GRAMD1C: variants seen among roughly 807,000 people sequenced by gnomAD.
The protein encoded by GRAMD1C is protein Aster-C.
A neutral mutation model predicts 97.8 loss-of-function variants in GRAMD1C; 89 were observed. That is an observed-to-expected ratio of 0.91 (90% CI 0.77 to 1.09). The LOEUF (loss-of-function observed/expected upper bound fraction) is 1.09, where lower values mean the gene tolerates loss of function less well. GRAMD1C is among the 50% of genes least tolerant of loss of function. GRAMD1C has a pLI of 0.00. For missense variants in GRAMD1C, 740 were observed against 766.4 expected, an observed-to-expected ratio of 0.97 and a Z score of 0.41; for synonymous variants, 256 against 267.0, an observed-to-expected ratio of 0.96 and a Z score of 0.40.
At chr3:113,851,849 G>A (rs1933921463) in intron 2 of GRAMD1C, among the ~76,000 whole-genome samples, 1 of 151,472 alleles carries the variant, frequency 6.6e-6, no homozygotes, top group Admixed American at 6.6e-5. Flanking sequence ...AAAATCAGAA[G>A]CCTTTATTCT....
chr3:113,870,027 C>T (rs1033396914), intron 3 of GRAMD1C, among the ~76,000 whole-genome samples: 1 of 152,056 alleles, frequency 6.6e-6, no homozygotes, highest in Non-Finnish European at 1.5e-5. Context: ...CATGTTCTCA[C>T]TCATCTGTGG....
chr3:113,864,395 T>C (rs1934506820), intron 2 of GRAMD1C, among the ~76,000 whole-genome samples: 1 of 152,180 alleles, frequency 6.6e-6, no homozygotes, highest in Non-Finnish European at 1.5e-5. Flanking sequence ...ATTACAGACA[T>C]GAGCCACCGC....
At chr3:113,905,937 T>C (rs1041778022) in intron 8 of GRAMD1C, among the ~76,000 whole-genome samples, 4 of 152,184 alleles carry the variant, frequency 2.6e-5, no homozygotes, top group Non-Finnish European at 5.9e-5. Context: ...CCTCAGGTGA[T>C]CCACCTGCCT....
intron 7 of GRAMD1C, among the ~76,000 whole-genome samples, chr3:113,902,990 G>T (rs1872823): frequency 2.2e-4 from 33 of 148,944 alleles, no homozygotes; most frequent in Non-Finnish European, 3.0e-4. Flanking sequence ...TTTTGGAGAT[G>T]GAGTCTCACT....
intron 6 of GRAMD1C, among the ~76,000 whole-genome samples, chr3:113,887,382 A>T (rs13100479): frequency 6.6e-6 from 1 of 151,506 alleles, no homozygotes; most frequent in Non-Finnish European, 1.5e-5. Flanking sequence ...GTGAGCCACC[A>T]CACCCAGCCC....
chr3:113,926,116 GT>G (rs529543464), intron 10 of GRAMD1C, among the ~76,000 whole-genome samples: 106 of 152,258 alleles, frequency 7.0e-4, no homozygotes, highest in African/African-American at 2.5e-3. Flanking sequence ...GGTTGGGGAA[GT>G]TTTTGTGGAT....
chr3:113,901,629 A>G (rs1402190662), intron 7 of GRAMD1C, among the ~76,000 whole-genome samples: 9 of 152,222 alleles, frequency 5.9e-5, no homozygotes, highest in Non-Finnish European at 8.8e-5. Context: ...AAGGTCGATA[A>G]TGGTAAGAGT....
intron 1 of GRAMD1C, among the ~76,000 whole-genome samples, chr3:113,830,083 T>C (rs1192137407): frequency 6.6e-6 from 1 of 152,108 alleles, no homozygotes; most frequent in African/African-American, 2.4e-5. Context: ...CTGATTTATA[T>C]AGGGCACAAA....
chr3:113,920,054 G>C, intron 10 of GRAMD1C: 1 of 987,762 alleles, frequency 1.0e-6, no homozygotes. Context: ...AGTGTTTGTT[G>C]ATGAGGAAGA....
chr3:113,916,097 A>G (rs1234002673), intron 10 of GRAMD1C, among the ~76,000 whole-genome samples: 1 of 152,238 alleles, frequency 6.6e-6, no homozygotes, highest in African/African-American at 2.4e-5. Context: ...TCATTAAGGT[A>G]CCAATTCGAT....
intron 7 of GRAMD1C, among the ~76,000 whole-genome samples, chr3:113,902,397 GCAGTTA>G (rs993303481): frequency 2.6e-5 from 4 of 152,128 alleles, no homozygotes; most frequent in African/African-American, 9.7e-5. Flanking sequence ...GGATAGAAAA[GCAGTTA>G]CTCTAATGCA....
intron 13 of GRAMD1C, among the ~76,000 whole-genome samples, chr3:113,935,044 G>A (rs144394651): frequency 1.2e-4 from 19 of 152,154 alleles, no homozygotes; most frequent in Admixed American, 2.6e-4. Context: ...GTGCCTGGCC[G>A]AACAAACACT....
chr3:113,855,292 C>T (rs1485209142), intron 2 of GRAMD1C, among the ~76,000 whole-genome samples: 4 of 152,056 alleles, frequency 2.6e-5, no homozygotes, highest in African/African-American at 9.7e-5. Context: ...GCCTGGGTAA[C>T]AAGATCAAAA....
At chr3:113,885,203 C>G (rs1276914401) in intron 6 of GRAMD1C, 2 of 737,294 alleles carry the variant, frequency 2.7e-6, no homozygotes, top group African/African-American at 3.5e-5. Context: ...ACTTGGGGCC[C>G]CCGTTCCCCC....
At chr3:113,911,171 G>GACACACACACACACACACACAC (rs760223728) in intron 9 of GRAMD1C, among the ~76,000 whole-genome samples, 66 of 5,224 alleles carry the variant, frequency 0.013, no homozygotes, top group East Asian at 0.023. Flanking sequence ...AACAGAGAGA[G>GACACACACACACACACACACAC]AGACACACAC....
intron 2 of GRAMD1C, among the ~76,000 whole-genome samples, chr3:113,857,172 C>A (rs1270960962): frequency 8.1e-6 from 1 of 124,034 alleles, no homozygotes; most frequent in Non-Finnish European, 1.8e-5. Flanking sequence ...AAAAAACAAA[C>A]AAACAAAAAA....
intron 3 of GRAMD1C, among the ~76,000 whole-genome samples, chr3:113,870,819 ATT>A (rs558065664): frequency 7.7e-5 from 11 of 143,454 alleles, no homozygotes; most frequent in Admixed American, 7.0e-5. Context: ...ATTTATAAGA[ATT>A]TTTTTTTTTT....
At chr3:113,930,876 A>G (rs769114404) in intron 11 of GRAMD1C, 44 bp downstream of exon 11, 1 of 986,994 alleles carries the variant, frequency 1.0e-6, no homozygotes, top group Non-Finnish European at 1.6e-6. Context: ...TGTGTGGGGG[A>G]AGAGAGAAGA....
chr3:113,916,593 G>A (rs569737522), intron 10 of GRAMD1C, among the ~76,000 whole-genome samples: 26 of 152,276 alleles, frequency 1.7e-4, no homozygotes, highest in Admixed American at 7.2e-4. Context: ...GGTTACTGTT[G>A]TGGAGAGTCA....
Sources: gnomAD v4.1 joint callset for allele counts (sites outside exome capture counted in the v4.1 genomes callset) on GRCh38, gnomAD v4.1.1 for gene constraint, MANE v1.5 for transcripts, NCBI Gene and HGNC (gene_info 2026-07-23, HGNC 2026-07-21) for gene names.